FAM53A: variants seen among roughly 807,000 people sequenced by gnomAD.
FAM53A encodes protein FAM53A.
FAM53A carries 28 observed loss-of-function variants against 26.6 expected under a neutral mutation model. The observed-to-expected ratio is 1.05, with a 90% CI of 0.78 to 1.45. The LOEUF is 1.45. Among genes scored for constraint, FAM53A ranks in the 40% most tolerant of loss-of-function variants. The probability of loss-of-function intolerance (pLI) is 0.00; values close to 1 mark genes in which losing one functional copy is unlikely to be tolerated. For missense variants in FAM53A, 650 were observed against 575.8 expected (o/e 1.13, Z -1.32); for synonymous variants, 290 against 253.1 (o/e 1.15, Z -1.38).
intron 2 of FAM53A, among the ~76,000 whole-genome samples, chr4:1,663,996 G>A (rs1714045038): frequency 6.6e-6 from 1 of 152,212 alleles, no homozygotes; most frequent in African/African-American, 2.4e-5. Context: ...GCCGGGGCAT[G>A]CAGCCTGGAC....
chr4:1,644,508 A>C, intron 4 of FAM53A: 1 of 894,940 alleles, frequency 1.1e-6, no homozygotes, highest in Non-Finnish European at 1.6e-6. Flanking sequence ...AGACGGTGGA[A>C]ACCGAGGCCC....
intron 1 of FAM53A, among the ~76,000 whole-genome samples, chr4:1,676,337 A>G (rs937137080): frequency 2.0e-5 from 3 of 152,118 alleles, no homozygotes; most frequent in Admixed American, 1.3e-4. Flanking sequence ...TTTTATAAGG[A>G]TATCAGTCAT....
At chr4:1,615,737 C>T (rs887137932), downstream of FAM53A, among the ~76,000 whole-genome samples, 1 of 152,266 alleles carries the variant, frequency 6.6e-6, no homozygotes, top group Non-Finnish European at 1.5e-5. Flanking sequence ...CACAAAAGCA[C>T]CACAAGTACT....
intron 1 of FAM53A, among the ~76,000 whole-genome samples, chr4:1,631,603 C>T (rs781520043): frequency 6.6e-6 from 1 of 152,126 alleles, no homozygotes; most frequent in Non-Finnish European, 1.5e-5. Context: ...GTGCACTGGG[C>T]AGCCTCTGAG....
chr4:1,581,889 C>T, the FAM53A span, among the ~76,000 whole-genome samples: 1 of 150,818 alleles, frequency 6.6e-6, no homozygotes, highest in African/African-American at 2.5e-5. Flanking sequence ...GCCACCATGC[C>T]CAGCATTTTT....
chr4:1,617,787 A>G (rs1029217225), downstream of FAM53A: 33 of 323,178 alleles, frequency 1.0e-4, no homozygotes, highest in South Asian at 5.9e-4. Context: ...CACTGGGTAT[A>G]GCATTCTGGG....
chr4:1,640,344 G>GA lies in FAM53A; in HGVS notation c.*948_*949insT, dbSNP rs5855711. On this transcript the variant is annotated 3_prime_UTR_variant, in exon 5 of 5. Transcript: ENST00000308132. ...CCAAGCACCGTGACCCGTCGGGAGGGGGGGACACACGGGGCCAGTGGGACT... is the reference window on the plus strand; with the variant it reads ...CCAAGCACCGTGACCCGTCGGGAGGGAGGGGACACACGGGGCCAGTGGGACT... The GA allele has an allele frequency of 0.25, 57,111 of 232,402 alleles. 7,619 individuals carry two copies. The highest frequency in any genetic ancestry group is 0.31 in the South Asian group (6,156 of 19,716). The allele number at this position is 232,402 out of a possible 1,614,324, so 14.4% of individuals were successfully genotyped here.
chr4:1,597,488 A>G, the FAM53A span, among the ~76,000 whole-genome samples: 5 of 152,164 alleles, frequency 3.3e-5, no homozygotes, highest in African/African-American at 7.2e-5. Context: ...AGGGCCCTGG[A>G]GAGCCACACA....
In FAM53A at chr4:1,649,176, A is replaced by AGGGAAGGGGAAAGGGAAAGGGAAG. The variant is rs1560151199; in HGVS notation, c.882+5801_882+5802insCTTCCCTTTCCCTTTCCCCTTCCC. Among the ~76,000 whole-genome samples the AGGGAAGGGGAAAGGGAAAGGGAAG allele has an allele frequency of 1.4e-3, 151 of 106,124 alleles. 1 individual carries two copies. Among genetic ancestry groups the AGGGAAGGGGAAAGGGAAAGGGAAG allele is most frequent in the Non-Finnish European group, 1.8e-3 (105 of 57,916 alleles). 69.6% of individuals were successfully genotyped at this position (106,124 alleles called of 152,430 possible). On this transcript the variant is annotated intron_variant, in intron 4 of 4. Transcript: ENST00000308132. ...AGGGGAAAGGGAAGGGGAAAGGGAA[A>AGGGAAGGGGAAAGGGAAAGGGAAG]GGGAAGGGGAAGGGGAAGGGGAAAG...
chr4:1,610,317 G>C, the FAM53A span, among the ~76,000 whole-genome samples: 1 of 152,064 alleles, frequency 6.6e-6, no homozygotes, highest in Non-Finnish European at 1.5e-5. Flanking sequence ...GACCCCAGCT[G>C]CCTGCCGGAA....
At position 1,654,391 on chromosome 4, in the gene FAM53A, C is replaced by T. The variant is rs150279369; in HGVS notation, c.882+587G>A. 2.5e-3 allele frequency among the ~76,000 whole-genome samples: 376 copies of T among 152,358 alleles called. 2 individuals are homozygous for T. Among genetic ancestry groups the T allele is most frequent in the African/African-American group, 6.5e-3 (270 of 41,584 alleles). ...ACTCTGTGCCAACCACGGCCTGTGA[C>T]GGGGGTGTGGAGAGGTGGGTGGCAC... On this transcript the variant is annotated intron_variant, in intron 4 of 4. Coordinates refer to ENST00000308132, the MANE Select transcript of FAM53A (RefSeq NM_001174070.3).
At chr4:1,663,005 C>A (rs968215415) in intron 2 of FAM53A, among the ~76,000 whole-genome samples, 4 of 147,966 alleles carry the variant, frequency 2.7e-5, no homozygotes, top group African/African-American at 7.5e-5. Flanking sequence ...CCATCCTTGC[C>A]AACACGGTGA....
intron 2 of FAM53A, among the ~76,000 whole-genome samples, chr4:1,667,874 G>C (rs1377883716): frequency 6.6e-6 from 1 of 152,120 alleles, no homozygotes; most frequent in Non-Finnish European, 1.5e-5. Flanking sequence ...ATCTAACTAG[G>C]GCGGGGGGGT....
chr4:1,656,546 G>GGC, intron 3 of FAM53A, among the ~76,000 whole-genome samples: 1 of 152,214 alleles, frequency 6.6e-6, no homozygotes. Context: ...GAGAGCGGCC[G>GGC]GCTGGGTGAG....
chr4:1,600,408 G>A, the FAM53A span, among the ~76,000 whole-genome samples: 1 of 152,080 alleles, frequency 6.6e-6, no homozygotes, highest in Non-Finnish European at 1.5e-5. Flanking sequence ...TGGGGCCAGG[G>A]AGCCACTCTC....
chr4:1,608,154 A>G, the FAM53A span, among the ~76,000 whole-genome samples: 2 of 151,678 alleles, frequency 1.3e-5, no homozygotes, highest in Non-Finnish European at 2.9e-5. Flanking sequence ...TTCCCAGGAC[A>G]CAGAGAACAA....
At chr4:1,638,123 C>T (rs1346869843), downstream of FAM53A, among the ~76,000 whole-genome samples, 1 of 152,056 alleles carries the variant, frequency 6.6e-6, no homozygotes, top group Admixed American at 6.5e-5. Context: ...AGGCCAACCC[C>T]CAAGGCTGCC....
chr4:1,684,432 C>G (rs1402942554), upstream of FAM53A: 3 of 149,352 alleles, frequency 2.0e-5, no homozygotes, highest in Admixed American at 6.7e-5. Flanking sequence ...GGCCCTCAGC[C>G]GCGCCGCGCC....
chr4:1,610,753 G>A, the FAM53A span, among the ~76,000 whole-genome samples: 1 of 151,998 alleles, frequency 6.6e-6, no homozygotes, highest in South Asian at 2.1e-4. Flanking sequence ...CACCTCCCAG[G>A]CTCTCCCCCA....
Sources: gnomAD v4.1 joint callset for allele counts (sites outside exome capture counted in the v4.1 genomes callset) on GRCh38, gnomAD v4.1.1 for gene constraint, MANE v1.5 for transcripts, NCBI Gene and HGNC (gene_info 2026-07-23, HGNC 2026-07-21) for gene names.